The following KCNMA1 variants were observed in gnomAD, a reference collection of about 807,000 sequenced individuals.
The protein encoded by KCNMA1 is Calcium-activated potassium channel subunit alpha-1.
Under a neutral mutation model 140.0 loss-of-function variants are expected in KCNMA1, and 29 were observed. The ratio of observed to expected loss-of-function variants is 0.21; its 90% CI spans 0.15 to 0.28. The LOEUF (loss-of-function observed/expected upper bound fraction) is 0.28, where lower values mean the gene tolerates loss of function less well. Among genes scored for constraint, KCNMA1 ranks in the 10% least tolerant of loss-of-function variants. KCNMA1 has a pLI of 1.00. For synonymous variants in KCNMA1, 612 were observed against 611.9 expected, an observed-to-expected ratio of 1.00 and a Z score of 0.00; for missense variants, 880 against 1,602.2, an observed-to-expected ratio of 0.55 and a Z score of 7.70.
At chr10:77,192,687 T>C (rs1336060424) in intron 3 of KCNMA1, among the ~76,000 whole-genome samples, 1 of 152,122 alleles carries the variant, frequency 6.6e-6, no homozygotes, top group Non-Finnish European at 1.5e-5. Flanking sequence ...GTAATAATAA[T>C]AGTGATAATA....
At chr10:77,633,066 C>G (rs970417614) in intron 1 of KCNMA1, among the ~76,000 whole-genome samples, 3 of 152,212 alleles carry the variant, frequency 2.0e-5, no homozygotes, top group Non-Finnish European at 2.9e-5. Context: ...CCTGTAATCC[C>G]AGCACTTTGG....
At chr10:77,275,879 G>A (rs761751121) in intron 2 of KCNMA1, among the ~76,000 whole-genome samples, 10 of 152,066 alleles carry the variant, frequency 6.6e-5, no homozygotes, top group Non-Finnish European at 1.0e-4. Context: ...GGTTATGCCC[G>A]CTGCTTTCCA....
chr10:77,145,289 C>A, intron 5 of KCNMA1, among the ~76,000 whole-genome samples: 1 of 152,302 alleles, frequency 6.6e-6, no homozygotes, highest in African/African-American at 2.4e-5. Context: ...AAATGGGAAA[C>A]ACTTTTCAAG....
chr10:77,267,492 ACTT>A lies in KCNMA1; in HGVS notation c.541-16239_541-16237del, dbSNP rs1268460941. 4.6e-5 allele frequency among the ~76,000 whole-genome samples: 7 copies of A among 152,080 alleles called. No individual in the cohort carries two copies. In the East Asian group the frequency reaches 1.4e-3, roughly 29 times the overall value. ...GTATAAATCCTCCTGTCTCTCAGAA[ACTT>A]CTTCTCCACTTTCCCTTGTGAAACT... On this transcript the variant is annotated intron_variant, in intron 2 of 27. Transcript: ENST00000286628.
chr10:77,558,303 G>A (rs145761463), intron 1 of KCNMA1, among the ~76,000 whole-genome samples: 131 of 152,276 alleles, frequency 8.6e-4, no homozygotes, highest in South Asian at 3.3e-3. Context: ...CCCTTAGAGC[G>A]TAGAATTCCA....
At chr10:77,415,725 G>C (rs955591624) in intron 1 of KCNMA1, among the ~76,000 whole-genome samples, 2 of 152,158 alleles carry the variant, frequency 1.3e-5, no homozygotes, top group African/African-American at 4.8e-5. Flanking sequence ...CTCAGCAAAG[G>C]CTCCTGCAGG....
chr10:77,297,370 T>C (rs761290332), intron 2 of KCNMA1, among the ~76,000 whole-genome samples: 47 of 152,172 alleles, frequency 3.1e-4, no homozygotes, highest in Non-Finnish European at 5.7e-4. Context: ...TTTAAAGAGC[T>C]AAAGATATAA....
At chr10:77,020,975 G>C (rs963337710) in intron 16 of KCNMA1, 7 of 152,030 alleles carry the variant, frequency 4.6e-5, no homozygotes, top group African/African-American at 1.7e-4. Flanking sequence ...ATGATGTATA[G>C]AAGGCTCAAT....
chr10:77,130,317 C>T (rs1251120590), intron 5 of KCNMA1, among the ~76,000 whole-genome samples: 2 of 152,044 alleles, frequency 1.3e-5, no homozygotes, highest in African/African-American at 2.4e-5. Context: ...ATATGCTTTG[C>T]GTTAGATGAT....
Position 77,637,526 on chromosome 10 carries a change from GGAC to G in KCNMA1, c.114_116del (p.Ser60del). 1 of 1,540,638 alleles carries G rather than the reference GGAC, an allele frequency of 6.5e-7. No individual in the cohort carries two copies. Among genetic ancestry groups the G allele is most frequent in the Non-Finnish European group, 8.8e-7 (1 of 1,130,492 alleles). On this transcript the variant is annotated inframe_deletion, in exon 1 of 28. Coordinates refer to ENST00000286628, the MANE Select transcript of KCNMA1 (RefSeq NM_001161352.2). ...AGGAAGAGGAGGAGGAGGAGGAGGA[GGAC>G]GCGTCTAGGCTGAGATGGTTCGCGT...
At chr10:77,390,605 C>G (rs2095787136) in intron 2 of KCNMA1, among the ~76,000 whole-genome samples, 1 of 152,200 alleles carries the variant, frequency 6.6e-6, no homozygotes, top group African/African-American at 2.4e-5. Flanking sequence ...GGCATAACAC[C>G]AGGCAGAGGC....
At chr10:77,626,617 A>G (rs1010176116) in intron 1 of KCNMA1, among the ~76,000 whole-genome samples, 6 of 152,176 alleles carry the variant, frequency 3.9e-5, no homozygotes, top group Admixed American at 3.9e-4. Flanking sequence ...ACATAAAGAG[A>G]AAACAACGTC....
At chr10:77,110,095 A>G in intron 8 of KCNMA1, 78 bp downstream of exon 8, 2 of 1,284,250 alleles carry the variant, frequency 1.6e-6, no homozygotes, top group East Asian at 2.3e-5. Context: ...AGTCTAAAAT[A>G]CAAAGCTTTA....
At chr10:76,908,654 T>A (rs2048795083) in intron 25 of KCNMA1, among the ~76,000 whole-genome samples, 1 of 152,240 alleles carries the variant, frequency 6.6e-6, no homozygotes, top group Non-Finnish European at 1.5e-5. Context: ...TTCAGGAGAA[T>A]AACTTTCAGC....
chr10:77,529,890 C>A (rs1338726740), intron 1 of KCNMA1, among the ~76,000 whole-genome samples: 1 of 152,122 alleles, frequency 6.6e-6, no homozygotes, highest in African/African-American at 2.4e-5. Flanking sequence ...CTACTTTCTT[C>A]AAGGGAGCCA....
Position 77,539,567 on chromosome 10 carries a change from G to A in KCNMA1, c.378+97698C>T, listed in dbSNP as rs137931381. Among the ~76,000 whole-genome samples the A allele has an allele frequency of 3.3e-5, 5 of 152,216 alleles. No individual in the cohort carries two copies. In the East Asian group the frequency reaches 7.7e-4, roughly 24 times the overall value. On this transcript the variant is annotated intron_variant, in intron 1 of 27. Coordinates refer to ENST00000286628, the MANE Select transcript of KCNMA1 (RefSeq NM_001161352.2). ...CTCTGGCAGGGCCCCTCATCCCCAG[G>A]TGTCCCCACCAAATTCCTGGCCCCT...
At position 77,070,232 on chromosome 10, in the gene KCNMA1, T is replaced by A. The variant is rs117963085; in HGVS notation, c.1749+2865A>T. ...GCTCACACCTATATAATCCCAGCAC[T>A]TTGGGAGGCTGAGGCAGGAGGATTG... On this transcript the variant is annotated intron_variant, in intron 14 of 27. Transcript: ENST00000286628. Among the ~76,000 whole-genome samples, 995 of 152,192 alleles carry A rather than the reference T, an allele frequency of 6.5e-3. 5 individuals carry two copies. The highest frequency in any genetic ancestry group is 0.012 in the East Asian group (62 of 5,172).
At chr10:77,181,095 G>T (rs890474311) in intron 5 of KCNMA1, among the ~76,000 whole-genome samples, 2 of 152,084 alleles carry the variant, frequency 1.3e-5, no homozygotes, top group Non-Finnish European at 2.9e-5. Context: ...CAGTCACCAG[G>T]GAGCCCTTCC....
chr10:77,604,806 G>A (rs11598926), intron 1 of KCNMA1, among the ~76,000 whole-genome samples: 44,384 of 151,966 alleles, frequency 0.29, 6,686 homozygotes, highest in Middle Eastern at 0.38. Context: ...ACCTAAGTAG[G>A]CAACTAGAAA....
Sources: gnomAD v4.1 joint callset for allele counts (sites outside exome capture counted in the v4.1 genomes callset) on GRCh38, gnomAD v4.1.1 for gene constraint, MANE v1.5 for transcripts, NCBI Gene and HGNC (gene_info 2026-07-23, HGNC 2026-07-21) for gene names.